The following CATSPER2 variants were observed in gnomAD, a reference collection of about 807,000 sequenced individuals.
CATSPER2 encodes cation channel sperm-associated protein 2.
Under a neutral mutation model 68.8 loss-of-function variants are expected in CATSPER2, and 56 were observed. The ratio of observed to expected loss-of-function variants is 0.81; its 90% CI spans 0.66 to 1.02. CATSPER2 has a LOEUF of 1.02. Among genes scored for constraint, CATSPER2 ranks in the 50% least tolerant of loss-of-function variants. The pLI, the probability that CATSPER2 is intolerant of heterozygous loss-of-function variation, is 0.00. For synonymous variants in CATSPER2, 198 were observed against 229.9 expected (o/e 0.86, Z 1.26); for missense variants, 582 against 642.0 (o/e 0.91, Z 1.01).
chr15:43,647,568 G>T, intron 2 of CATSPER2, 101 bp from the exon 3 acceptor site: 4 of 1,072,880 alleles, frequency 3.7e-6, no homozygotes, highest in South Asian at 2.5e-5. Flanking sequence ...TTCCCCTAAT[G>T]CCTTACTGCT....
Position 43,628,820 on chromosome 15 carries a change from G to A in CATSPER2, c.*1881C>T, listed in dbSNP as rs949000717. ...GTCAGGATATCTTTAGAGGAGTGGA[G>A]GTTGACTTACCTGCAGTTAATGCCC... is the stretch of plus-strand genomic sequence containing the variant. On this transcript the variant is annotated 3_prime_UTR_variant, in exon 13 of 13. Transcript: ENST00000396879. 4.2e-5 allele frequency: 6 copies of A among 143,460 alleles called. No individual in the cohort carries two copies. The highest frequency in any genetic ancestry group is 1.7e-4 in the African/African-American group (6 of 35,750). 8.9% of individuals were successfully genotyped at this position (143,460 alleles called of 1,614,324 possible). A position where few individuals can be genotyped will look rare whatever the true frequency, so the allele number is the denominator to read the frequency against.
intron 4 of CATSPER2, among the ~76,000 whole-genome samples, chr15:43,643,526 G>A (rs1204455319): frequency 6.6e-6 from 1 of 151,590 alleles, no homozygotes; most frequent in Non-Finnish European, 1.5e-5. Context: ...CAGTAGAGAC[G>A]GGGTTTCACC....
intron 1 of CATSPER2, 32 bp downstream of exon 1, chr15:43,648,597 T>C: frequency 7.2e-7 from 1 of 1,379,526 alleles, no homozygotes; most frequent in Admixed American, 3.3e-5. Context: ...GGCTAGCTCC[T>C]TCTCTCCTCC....
Position 43,648,768 on chromosome 15 carries a change from G to C in CATSPER2, c.-142C>G. ...CTCACTGCGCCCCATTCCCCGCCCCGCTCGACCCCCAGGTTTCGGCTCACC... is the reference window on the plus strand; with the variant it reads ...CTCACTGCGCCCCATTCCCCGCCCCCCTCGACCCCCAGGTTTCGGCTCACC... On this transcript the variant is annotated 5_prime_UTR_variant, in exon 1 of 13. Coordinates refer to ENST00000396879, the MANE Select transcript of CATSPER2 (RefSeq NM_172095.4). 6.5e-7 allele frequency: 1 copy of C among 1,526,884 alleles called. No individual in the cohort carries two copies. The highest frequency in any genetic ancestry group is 8.8e-7 in the Non-Finnish European group (1 of 1,140,838). 94.6% of individuals were successfully genotyped at this position (1,526,884 alleles called of 1,614,324 possible).
In CATSPER2 at chr15:43,633,076, G is replaced by A. The variant is rs574030925; in HGVS notation, c.1179-142C>T. The A allele has an allele frequency of 1.5e-3, 1,184 of 812,934 alleles. 22 individuals carry two copies. In the African/African-American group the frequency reaches 0.019, roughly 13 times the overall value. 50.4% of individuals were successfully genotyped at this position (812,934 alleles called of 1,614,324 possible). A position where few individuals can be genotyped will look rare whatever the true frequency, so the allele number is the denominator to read the frequency against. ...AACTACTCCCAAACTCTAAACTCAG[G>A]CACTTCCAACCTCAATCATTCATGT... On this transcript the variant is annotated intron_variant, in intron 10 of 12. Coordinates refer to ENST00000396879, the MANE Select transcript of CATSPER2 (RefSeq NM_172095.4).
intron 12 of CATSPER2, chr15:43,631,593 GA>G: frequency 9.9e-6 from 3 of 304,328 alleles, no homozygotes; most frequent in South Asian, 6.3e-5. Flanking sequence ...TGAAATTTAG[GA>G]AAAATAACTT....
At chr15:43,640,278 A>G in intron 5 of CATSPER2, 46 bp downstream of exon 5, 2 of 1,604,240 alleles carry the variant, frequency 1.2e-6, no homozygotes, top group East Asian at 4.5e-5. Flanking sequence ...TCACCTAGGC[A>G]CATTCTTCAT....
intron 12 of CATSPER2, 138 bp downstream of exon 12, chr15:43,632,061 T>G (rs1172343834): frequency 2.1e-6 from 2 of 940,348 alleles, no homozygotes; most frequent in African/African-American, 3.3e-5. Flanking sequence ...ACCAAGAATT[T>G]TAGTTTCTGC....
intron 11 of CATSPER2, 122 bp downstream of exon 11, chr15:43,632,595 T>G: frequency 6.4e-7 from 1 of 1,574,748 alleles, no homozygotes; most frequent in African/African-American, 1.4e-5. Context: ...AAAAACAAAG[T>G]AATTAAGACC....
At position 43,648,769 on chromosome 15, in the gene CATSPER2, C is replaced by T; in HGVS notation, c.-143G>A. The T allele has an allele frequency of 6.5e-7, 1 of 1,529,314 alleles. No individual in the cohort carries two copies. 94.7% of individuals were successfully genotyped at this position (1,529,314 alleles called of 1,614,324 possible). A position where few individuals can be genotyped will look rare whatever the true frequency, so the allele number is the denominator to read the frequency against. On this transcript the variant is annotated 5_prime_UTR_variant, in exon 1 of 13. Transcript: ENST00000396879. ...TCACTGCGCCCCATTCCCCGCCCCG[C>T]TCGACCCCCAGGTTTCGGCTCACCC...
At position 43,630,396 on chromosome 15, in the gene CATSPER2, C is replaced by T; in HGVS notation, c.*305G>A. Reference sequence around the variant, plus strand: ...CTTATACAGAGTCTCACTCTGTTGCCCAGGCTGGAGTGCAGTGGTGCAATC... The same window carrying T: ...CTTATACAGAGTCTCACTCTGTTGCTCAGGCTGGAGTGCAGTGGTGCAATC... On this transcript the variant is annotated 3_prime_UTR_variant, in exon 13 of 13. Transcript: ENST00000396879. The T allele has an allele frequency of 2.4e-6, 1 of 422,472 alleles. No homozygotes were observed. Among genetic ancestry groups the T allele is most frequent in the Admixed American group, 3.5e-5 (1 of 28,338 alleles). The allele number at this position is 422,472 out of a possible 1,614,324, so 26.2% of individuals were successfully genotyped here. A position where few individuals can be genotyped will look rare whatever the true frequency, so the allele number is the denominator to read the frequency against.
Position 43,647,393 on chromosome 15 carries a change from T to C in CATSPER2, c.220A>G (p.Ile74Val), listed in dbSNP as rs755885533. 8.7e-6 allele frequency: 14 copies of C among 1,613,364 alleles called. No individual in the cohort carries two copies. The highest frequency in any genetic ancestry group is 1.3e-5 in the African/African-American group (1 of 74,858). Reference protein sequence around the residue: ...LVRFSIKPQRIEQISHAQRLL... With the variant: ...LVRFSIKPQRVEQISHAQRLL... ...CTCTGGGCATGTGAAATCTGTTCTA[T>C]ACGCTGAGGCTTTATAGAGAAACGC... The change falls in exon 3 of 13, where the codon ATA becomes GTA. Residue 74 changes from isoleucine (I) to valine (V), a missense_variant. By Grantham distance (29) the Ile-to-Val change is conservative (BLOSUM62 3). Coordinates refer to ENST00000396879, the MANE Select transcript of CATSPER2 (RefSeq NM_172095.4).
In CATSPER2 at chr15:43,638,960, G is replaced by T. The variant is rs758398486; in HGVS notation, c.786C>A (p.Val262=). Residue 262 remains valine, a synonymous_variant, in exon 7 of 13, where the codon GTC becomes GTA. Transcript: ENST00000396879. ...GAGGTGAACGGGTGTACTCTGAGAA[G>T]ACGTAGACACCAGTCACAGCAAAAA... ...FYIFAVTGVY[V]FSEYTRSPRQ... The T allele has an allele frequency of 6.2e-7, 1 of 1,613,214 alleles. No individual in the cohort carries two copies. The highest frequency in any genetic ancestry group is 8.5e-7 in the Non-Finnish European group (1 of 1,179,520).
intron 7 of CATSPER2, among the ~76,000 whole-genome samples, chr15:43,638,578 C>T (rs1168693455): frequency 3.3e-5 from 5 of 151,758 alleles, no homozygotes; most frequent in East Asian, 1.9e-4. Flanking sequence ...TGAGCCACCG[C>T]GCCCTGCCCC....
At position 43,632,886 on chromosome 15, in the gene CATSPER2, C is replaced by A. The variant is rs149101439; in HGVS notation, c.1227G>T (p.Val409=). Residue 409 remains valine, a synonymous_variant, in exon 11 of 13, where the codon GTG becomes GTT. Transcript: ENST00000396879. ...QQRESLDLSE[V]SEVESNYGAT... ...CACCATAATTAGACTCTACTTCAGA[C>A]ACTTCTGATAAGTCCAAACTTTCCC... 6.1e-4 allele frequency: 977 copies of A among 1,610,070 alleles called. 9 individuals are homozygous for A. The highest frequency in any genetic ancestry group is 4.9e-3 in the African/African-American group (365 of 74,798).
At chr15:43,648,201 G>A (rs2086208443) in intron 1 of CATSPER2, 138 bp from the exon 2 acceptor site, 1 of 1,037,354 alleles carries the variant, frequency 9.6e-7, no homozygotes, top group Non-Finnish European at 1.5e-6. Context: ...ACTAGGAGCA[G>A]TTGGGAAGAA....
intron 5 of CATSPER2, chr15:43,640,010 G>A: frequency 6.9e-7 from 1 of 1,445,118 alleles, no homozygotes; most frequent in Non-Finnish European, 9.1e-7. Context: ...TAAAATTCAT[G>A]GTTATTTAAT....
intron 7 of CATSPER2, among the ~76,000 whole-genome samples, chr15:43,637,004 G>A (rs1246716456): frequency 1.3e-5 from 2 of 151,234 alleles, no homozygotes; most frequent in African/African-American, 4.9e-5. Context: ...CATATTTTTA[G>A]TAGAGACAAG....
intron 4 of CATSPER2, among the ~76,000 whole-genome samples, chr15:43,646,045 T>A (rs1341341713): frequency 1.3e-5 from 2 of 152,000 alleles, no homozygotes. Context: ...TTCTTATTTA[T>A]ACTTAATCTT....
Sources: gnomAD v4.1 joint callset for allele counts (sites outside exome capture counted in the v4.1 genomes callset) on GRCh38, gnomAD v4.1.1 for gene constraint, MANE v1.5 for transcripts, NCBI Gene and HGNC (gene_info 2026-07-23, HGNC 2026-07-21) for gene names.